The following RAPGEF2 variants were observed in gnomAD, a reference collection of about 807,000 sequenced individuals.
RAPGEF2 encodes PDZ domain containing guanine nucleotide exchange factor (GEF) 1.
Under a neutral mutation model 186.7 loss-of-function variants are expected in RAPGEF2, and 54 were observed. That is an observed-to-expected ratio of 0.29 (90% CI 0.23 to 0.36). The LOEUF (loss-of-function observed/expected upper bound fraction) is 0.36, where lower values mean the gene tolerates loss of function less well. Among genes scored for constraint, RAPGEF2 ranks in the 10% least tolerant of loss-of-function variants. RAPGEF2 has a pLI of 1.00. For missense variants in RAPGEF2, 1,532 were observed against 2,045.0 expected, an observed-to-expected ratio of 0.75 and a Z score of 4.84; for synonymous variants, 712 against 705.9, an observed-to-expected ratio of 1.01 and a Z score of -0.14.
intron 9 of RAPGEF2, among the ~76,000 whole-genome samples, chr4:159,319,116 A>G (rs1007635168): frequency 6.6e-5 from 10 of 152,106 alleles, no homozygotes; most frequent in African/African-American, 2.4e-4. Flanking sequence ...TTAAGTCTGT[A>G]TGATACCTAT....
chr4:159,191,833 A>C, intron 2 of RAPGEF2, among the ~76,000 whole-genome samples: 1 of 152,204 alleles, frequency 6.6e-6, no homozygotes, highest in East Asian at 1.9e-4. Context: ...AGCTGGAAGG[A>C]GATGTGAGGT....
At chr4:159,121,041 GAC>G (rs1373064662) in intron 1 of RAPGEF2, among the ~76,000 whole-genome samples, 1 of 152,054 alleles carries the variant, frequency 6.6e-6, no homozygotes, top group African/African-American at 2.4e-5. Flanking sequence ...TTTTAGTAGA[GAC>G]AGAGTTTCAC....
At position 159,186,652 on chromosome 4, in the gene RAPGEF2, T is replaced by C; in HGVS notation, c.80T>C (p.Ile27Thr). Residue 27 changes from isoleucine (I) to threonine (T), a missense_variant, in exon 2 of 30, where the codon ATA (isoleucine) becomes ACA (threonine). Transcript: ENST00000691494. Reference protein sequence around the residue: ...PPERTPQDLEIVYSYLHGMEA... With the variant: ...PPERTPQDLETVYSYLHGMEA... The stretch of plus-strand genomic sequence containing the variant: ...TTTTCTTTGAAACAGGATCTGGAAA[T>C]AGTATATTCCTATTTACATGGTATG... 1.4e-6 allele frequency: 2 copies of C among 1,439,024 alleles called. No individual in the cohort carries two copies. The highest frequency in any genetic ancestry group is 1.8e-6 in the Non-Finnish European group (2 of 1,081,500). The allele number at this position is 1,439,024 out of a possible 1,614,324, so 89.1% of individuals were successfully genotyped here.
intron 25 of RAPGEF2, among the ~76,000 whole-genome samples, chr4:159,349,835 CAT>C (rs1482241386): frequency 1.3e-5 from 2 of 152,152 alleles, no homozygotes; most frequent in East Asian, 1.9e-4. Flanking sequence ...TGTTGCCTAA[CAT>C]ATTGTTGAAT....
At chr4:159,168,527 G>C (rs1253616252) in intron 1 of RAPGEF2, among the ~76,000 whole-genome samples, 4 of 151,700 alleles carry the variant, frequency 2.6e-5, no homozygotes, top group African/African-American at 9.7e-5. Context: ...AGCACAGCTG[G>C]TGGTTCTGCC....
intron 17 of RAPGEF2, among the ~76,000 whole-genome samples, chr4:159,336,959 C>T (rs1257274905): frequency 5.9e-5 from 9 of 152,084 alleles, no homozygotes; most frequent in Admixed American, 5.9e-4. Context: ...TCTTGCGACC[C>T]CAGTTATTTC....
intron 7 of RAPGEF2, among the ~76,000 whole-genome samples, chr4:159,245,392 A>G (rs1754515068): frequency 6.6e-6 from 1 of 152,008 alleles, no homozygotes; most frequent in Non-Finnish European, 1.5e-5. Context: ...AAAAAATAAG[A>G]TTTAGCATGA....
chr4:159,131,519 A>ATTGGTTTTTTT, intron 1 of RAPGEF2, among the ~76,000 whole-genome samples: 17 of 37,212 alleles, frequency 4.6e-4, no homozygotes, highest in African/African-American at 1.2e-3. Context: ...ATTAATTGCT[A>ATTGGTTTTTTT]TTTTTTTTTT....
intron 28 of RAPGEF2, 151 bp downstream of exon 28, chr4:159,354,197 T>C (rs1224681126): frequency 3.4e-5 from 30 of 888,540 alleles, no homozygotes; most frequent in Non-Finnish European, 3.8e-5. Context: ...TTAAGGTCTT[T>C]GAAATCAATA....
At chr4:159,199,470 G>T (rs1321856143) in intron 3 of RAPGEF2, among the ~76,000 whole-genome samples, 4 of 145,566 alleles carry the variant, frequency 2.7e-5, no homozygotes, top group Non-Finnish European at 3.0e-5. Flanking sequence ...GTTCCCGATG[G>T]TTTTTTTTTT....
chr4:159,350,387 A>C, intron 26 of RAPGEF2, 98 bp downstream of exon 26: 1 of 1,065,450 alleles, frequency 9.4e-7, no homozygotes, highest in Non-Finnish European at 1.3e-6. Context: ...CTAACATTAT[A>C]GTCATTTAAG....
chr4:159,136,787 A>C (rs1178011044), intron 1 of RAPGEF2, among the ~76,000 whole-genome samples: 1 of 152,190 alleles, frequency 6.6e-6, no homozygotes, highest in Non-Finnish European at 1.5e-5. Flanking sequence ...ACTTGAATAT[A>C]ATATAATTTT....
rs150915384 is a variant in RAPGEF2, at chr4:159,109,242, G to A, written c.69+5011G>A. Among the ~76,000 whole-genome samples, 1,287 of 152,202 alleles carry A rather than the reference G, an allele frequency of 8.5e-3. 23 individuals carry two copies. The highest frequency in any genetic ancestry group is 0.029 in the African/African-American group (1,223 of 41,536). Reference sequence around the variant, plus strand: ...GTGGTGACACATACCTGTAATCCCAGCACTTTGGGAGGCTGAGGTGGGAGG... The same window carrying A: ...GTGGTGACACATACCTGTAATCCCAACACTTTGGGAGGCTGAGGTGGGAGG... On this transcript the variant is annotated intron_variant, in intron 1 of 29. Transcript: ENST00000691494.
chr4:159,271,178 C>G (rs1226443527), intron 7 of RAPGEF2, among the ~76,000 whole-genome samples: 2 of 151,982 alleles, frequency 1.3e-5, no homozygotes, highest in African/African-American at 4.8e-5. Context: ...CTCTTCTCTC[C>G]CCATCTTGCC....
chr4:159,349,888 A>G (rs1439401679), intron 25 of RAPGEF2, among the ~76,000 whole-genome samples: 3 of 152,194 alleles, frequency 2.0e-5, no homozygotes, highest in African/African-American at 7.2e-5. Flanking sequence ...CTAACGTAAA[A>G]TATCAAAAGC....
chr4:159,298,718 A>G (rs1440832177), intron 7 of RAPGEF2, among the ~76,000 whole-genome samples: 1 of 152,190 alleles, frequency 6.6e-6, no homozygotes, highest in Non-Finnish European at 1.5e-5. Flanking sequence ...TAGCTGGGTG[A>G]GTTTGGCCAC....
intron 8 of RAPGEF2, among the ~76,000 whole-genome samples, chr4:159,308,624 C>A (rs1763588066): frequency 6.6e-6 from 1 of 152,130 alleles, no homozygotes; most frequent in Admixed American, 6.5e-5. Flanking sequence ...TAAATGCTCA[C>A]AAGATGGACA....
At chr4:159,247,999 T>G (rs1754854897) in intron 7 of RAPGEF2, among the ~76,000 whole-genome samples, 1 of 152,004 alleles carries the variant, frequency 6.6e-6, no homozygotes, top group Non-Finnish European at 1.5e-5. Flanking sequence ...CAACCTCAAT[T>G]GATCCACCCG....
intron 5 of RAPGEF2, chr4:159,240,933 T>TA (rs1030947617): frequency 2.6e-5 from 9 of 342,492 alleles, no homozygotes; most frequent in Non-Finnish European, 4.8e-5. Flanking sequence ...CTGCTGAAAA[T>TA]ATCCTTCCCT....
Sources: gnomAD v4.1 joint callset for allele counts (sites outside exome capture counted in the v4.1 genomes callset) on GRCh38, gnomAD v4.1.1 for gene constraint, MANE v1.5 for transcripts, NCBI Gene and HGNC (gene_info 2026-07-23, HGNC 2026-07-21) for gene names.